DNAH3: variants seen among roughly 807,000 people sequenced by gnomAD.
The protein encoded by DNAH3 is axonemal beta dynein heavy chain 3.
A neutral mutation model predicts 432.5 loss-of-function variants in DNAH3; 332 were observed. The observed-to-expected ratio is 0.77, with a 90% CI of 0.70 to 0.84. DNAH3 has a LOEUF of 0.84. Among genes scored for constraint, DNAH3 ranks in the 40% least tolerant of loss-of-function variants. The probability of loss-of-function intolerance (pLI) is 0.00; values close to 1 mark genes in which losing one functional copy is unlikely to be tolerated. For synonymous variants in DNAH3, 1,956 were observed against 1,900.2 expected, an observed-to-expected ratio of 1.03 and a Z score of -0.76; for missense variants, 4,861 against 5,114.0, an observed-to-expected ratio of 0.95 and a Z score of 1.51.
intron 18 of DNAH3, among the ~76,000 whole-genome samples, chr16:21,091,960 C>A (rs1331136538): frequency 2.6e-4 from 40 of 151,958 alleles, no homozygotes; most frequent in Non-Finnish European, 2.9e-5. Context: ...TGAAAGAAAT[C>A]AAAGAAGATA....
At chr16:20,977,541 C>T (rs1436984467) in intron 50 of DNAH3, among the ~76,000 whole-genome samples, 1 of 152,182 alleles carries the variant, frequency 6.6e-6, no homozygotes, top group Non-Finnish European at 1.5e-5. Context: ...GTTTTCATGA[C>T]CTTGCACCCA....
In DNAH3 at chr16:20,965,127, C is replaced by T; in HGVS notation, c.8757G>A (p.Met2919Ile). The T allele has an allele frequency of 6.2e-7, 1 of 1,614,158 alleles. No homozygotes were observed. The highest frequency in any genetic ancestry group is 8.5e-7 in the Non-Finnish European group (1 of 1,180,036). Residue 2919 changes from methionine to isoleucine, a missense_variant, in exon 53 of 62, where the codon ATG (methionine) becomes ATA (isoleucine). Met to Ile is a conservative substitution (Grantham distance 10). Coordinates refer to ENST00000261383, the Ensembl canonical transcript of DNAH3. ...CTGCTCTTTTCTGGTTCAGCTTCTG[C>T]ATCTGTGCAGCCAGCTTCCCCTCTG... is the stretch of plus-strand genomic sequence containing the variant.
intron 52 of DNAH3, among the ~76,000 whole-genome samples, chr16:20,966,968 TC>T (rs1304092068): frequency 2.0e-5 from 3 of 152,110 alleles, no homozygotes; most frequent in African/African-American, 7.2e-5. Context: ...CTCAATCCCA[TC>T]CCGGAACAAT....
chr16:20,943,759 T>A lies in DNAH3; in HGVS notation c.11511+737A>T, dbSNP rs745951974. On this transcript the variant is annotated intron_variant, in intron 58 of 61. Transcript: ENST00000261383. ...ACTTTTGGAAGCCAACGCAAGCAGATTGCTTGAGCCCAGGAGTTTGAGACG... is the reference window on the plus strand; with the variant it reads ...ACTTTTGGAAGCCAACGCAAGCAGAATGCTTGAGCCCAGGAGTTTGAGACG... Among the ~76,000 whole-genome samples the A allele has an allele frequency of 3.3e-5, 5 of 151,904 alleles. 1 individual carries two copies. The highest frequency in any genetic ancestry group is 5.9e-5 in the Non-Finnish European group (4 of 67,974).
chr16:21,135,258 G>A (rs563593484), intron 6 of DNAH3, among the ~76,000 whole-genome samples: 1 of 152,086 alleles, frequency 6.6e-6, no homozygotes, highest in African/African-American at 2.4e-5. Flanking sequence ...CACCAAAATA[G>A]ATGCACACAA....
chr16:21,049,693 G>A lies in DNAH3; in HGVS notation c.4348-11C>T, dbSNP rs1361212676. 8 of 1,607,734 alleles carry A rather than the reference G, an allele frequency of 5.0e-6. No individual in the cohort carries two copies. Among genetic ancestry groups the A allele is most frequent in the Non-Finnish European group, 6.8e-6 (8 of 1,174,198 alleles). ...GTTGAAGACCACACACTAGAAAGAG[G>A]GAGGATGTGGGTATCATTCAGGGTG... On this transcript the variant is annotated splice_polypyrimidine_tract_variant and intron_variant, in intron 30 of 61. Transcript: ENST00000261383.
exon 48 of DNAH3, chr16:20,985,239 G>A (rs765367123): frequency 9.9e-6 from 16 of 1,614,012 alleles, no homozygotes; most frequent in South Asian, 3.3e-5. Flanking sequence ...TGTCCTCCAC[G>A]AATGATTCAT....
chr16:20,968,724 C>T (rs67704764), intron 52 of DNAH3, among the ~76,000 whole-genome samples: 34,563 of 151,526 alleles, frequency 0.23, 4,117 homozygotes, highest in South Asian at 0.29. Flanking sequence ...CTCTCTTTGC[C>T]CTTGTCTCCT....
intron 18 of DNAH3, among the ~76,000 whole-genome samples, chr16:21,092,791 A>T (rs2091576533): frequency 6.6e-6 from 1 of 152,026 alleles, no homozygotes; most frequent in African/African-American, 2.4e-5. Flanking sequence ...AGGAAAACAA[A>T]AACCTGAAAC....
chr16:21,094,419 C>T (rs2091621181), intron 18 of DNAH3, among the ~76,000 whole-genome samples: 1 of 152,010 alleles, frequency 6.6e-6, no homozygotes, highest in African/African-American at 2.4e-5. Context: ...ACCTGTAATC[C>T]CAGCACTTTG....
At chr16:21,132,206 T>C (rs961958651) in intron 7 of DNAH3, among the ~76,000 whole-genome samples, 1 of 152,130 alleles carries the variant, frequency 6.6e-6, no homozygotes, top group Non-Finnish European at 1.5e-5. Context: ...ACTAAGGATT[T>C]GAAAAACAAG....
At chr16:20,989,919 C>T (rs1162213876) in intron 44 of DNAH3, among the ~76,000 whole-genome samples, 2 of 152,226 alleles carry the variant, frequency 1.3e-5, no homozygotes, top group South Asian at 2.1e-4. Flanking sequence ...CCGGCAGGGC[C>T]GGCCGGCTGC....
At chr16:21,069,090 A>G (rs2090680935) in intron 23 of DNAH3, among the ~76,000 whole-genome samples, 1 of 99,544 alleles carries the variant, frequency 1.0e-5, no homozygotes, top group African/African-American at 3.3e-5. Flanking sequence ...ATGCCTGGCT[A>G]ATATTTGTGT....
chr16:21,000,873 C>T (rs2086984171), intron 42 of DNAH3, among the ~76,000 whole-genome samples: 1 of 152,132 alleles, frequency 6.6e-6, no homozygotes, highest in South Asian at 2.1e-4. Context: ...TTGTCTGATT[C>T]CAAAGTCTAC....
At chr16:21,117,913 G>T (rs1397032527) in intron 11 of DNAH3, among the ~76,000 whole-genome samples, 1 of 152,150 alleles carries the variant, frequency 6.6e-6, no homozygotes, top group South Asian at 2.1e-4. Flanking sequence ...TTCTGGAGAC[G>T]TGGATTCTAA....
At chr16:21,140,312 T>A in intron 5 of DNAH3, 1 of 384,146 alleles carries the variant, frequency 2.6e-6, no homozygotes, top group Non-Finnish European at 4.6e-6. Context: ...TCAATTTCCA[T>A]CACTTACTAG....
chr16:20,933,241 A>G, exon 62 of DNAH3: 1 of 1,614,222 alleles, frequency 6.2e-7, no homozygotes, highest in Non-Finnish European at 8.5e-7. Context: ...TGGAGAGGAC[A>G]TAGTTGGTAG....
chr16:21,031,124 C>A, exon 37 of DNAH3: 1 of 1,614,080 alleles, frequency 6.2e-7, no homozygotes, highest in Non-Finnish European at 8.5e-7. Context: ...AATCCACTTG[C>A]GATCATCAGA....
intron 1 of DNAH3, 52 bp downstream of exon 2, chr16:21,150,238 T>TAAA: frequency 3.1e-5 from 12 of 381,482 alleles, no homozygotes; most frequent in South Asian, 3.9e-5. Context: ...AAATAAAAAA[T>TAAA]AAAAAAAAAA....
Sources: gnomAD v4.1 joint callset for allele counts (sites outside exome capture counted in the v4.1 genomes callset) on GRCh38, gnomAD v4.1.1 for gene constraint, MANE v1.5 for transcripts, NCBI Gene and HGNC (gene_info 2026-07-23, HGNC 2026-07-21) for gene names.